Variants in ANGPT2 observed in about 807,000 individuals in gnomAD.
ANGPT2 encodes the protein angiopoietin-2.
ANGPT2 carries 28 observed loss-of-function variants against 62.9 expected under a neutral mutation model. The observed-to-expected ratio is 0.44, with a 90% CI of 0.33 to 0.61. The LOEUF (loss-of-function observed/expected upper bound fraction) is 0.61. Ranked by LOEUF, ANGPT2 falls within the 20% of genes least tolerant of loss-of-function variation. ANGPT2 has a pLI of 0.03. For missense variants in ANGPT2, 727 were observed against 594.9 expected (o/e 1.22, Z -2.31); for synonymous variants, 284 against 207.8 (o/e 1.37, Z -3.15).
chr8:6,511,996 T>A (rs1414723279), intron 7 of ANGPT2, among the ~76,000 whole-genome samples: 1 of 152,026 alleles, frequency 6.6e-6, no homozygotes, highest in Admixed American at 6.6e-5. Context: ...CAACCACTTG[T>A]GTCTCAAAAT....
intron 1 of ANGPT2, among the ~76,000 whole-genome samples, chr8:6,557,904 C>A (rs747992779): frequency 2.6e-5 from 4 of 152,082 alleles, no homozygotes; most frequent in African/African-American, 7.2e-5. Flanking sequence ...CATTTTGTGG[C>A]CAGATATGGA....
At chr8:6,554,039 C>T (rs1824153414) in intron 1 of ANGPT2, among the ~76,000 whole-genome samples, 1 of 151,104 alleles carries the variant, frequency 6.6e-6, no homozygotes, top group African/African-American at 2.4e-5. Context: ...CTGAAATTTG[C>T]CGGAACAGTC....
rs143722172 is a variant in ANGPT2, at chr8:6,540,815, G to A, written c.289-8328C>T. 6.6e-4 allele frequency among the ~76,000 whole-genome samples: 100 copies of A among 152,360 alleles called. No homozygotes were observed. In the South Asian group the frequency reaches 0.012, roughly 18 times the overall value. ...GAGCGCAGCCATGCCGAACAGGCGC[G>A]GGAGGCAGGGGCGCCGCAGGGTGGT... On this transcript the variant is annotated intron_variant, in intron 1 of 8. Coordinates refer to ENST00000629816, the MANE Select transcript of ANGPT2 (RefSeq NM_001118887.2).
intron 1 of ANGPT2, among the ~76,000 whole-genome samples, chr8:6,559,054 C>G (rs1360713466): frequency 6.6e-6 from 1 of 152,134 alleles, no homozygotes; most frequent in Non-Finnish European, 1.5e-5. Context: ...TATTTCACCA[C>G]TCAGGATGTA....
chr8:6,556,008 G>A (rs905695398), intron 1 of ANGPT2, among the ~76,000 whole-genome samples: 2 of 152,188 alleles, frequency 1.3e-5, no homozygotes, highest in Non-Finnish European at 2.9e-5. Context: ...CAAGTCTGCT[G>A]TGGGGACTTG....
intron 5 of ANGPT2, among the ~76,000 whole-genome samples, chr8:6,517,479 T>C (rs1346668905): frequency 6.6e-6 from 1 of 152,248 alleles, no homozygotes; most frequent in African/African-American, 2.4e-5. Context: ...CAAATGAATT[T>C]TTCAAAACTA....
chr8:6,538,640 C>T (rs1820943391), intron 1 of ANGPT2, among the ~76,000 whole-genome samples: 1 of 152,204 alleles, frequency 6.6e-6, no homozygotes. Context: ...TCAGGTCCCA[C>T]CATCCCCCAT....
chr8:6,559,855 A>C (rs1333356497), intron 1 of ANGPT2, among the ~76,000 whole-genome samples: 1 of 152,218 alleles, frequency 6.6e-6, no homozygotes, highest in Non-Finnish European at 1.5e-5. Flanking sequence ...TGTGCTAGCG[A>C]TCATGAGTTT....
Position 6,563,073 on chromosome 8 carries a change from C to CT in ANGPT2, c.-140dup. The CT allele has an allele frequency of 3.2e-6, 3 of 924,736 alleles. No homozygotes were observed. Among genetic ancestry groups the CT allele is most frequent in the Admixed American group, 2.9e-5 (1 of 34,720 alleles). The allele number at this position is 924,736 out of a possible 1,614,324, so 57.3% of individuals were successfully genotyped here. ...CGTCAATGAAAGTCTTCTCTTTCCT[C>CT]TTTTTCCAGTAGCAAACCTGGTTTT... On this transcript the variant is annotated 5_prime_UTR_variant, in exon 1 of 9. The change abolishes the stop of an existing upstream ORF in the 5' untranslated region. Coordinates refer to ENST00000629816, the MANE Select transcript of ANGPT2 (RefSeq NM_001118887.2).
At chr8:6,530,693 TGA>T (rs2129571433) in intron 2 of ANGPT2, among the ~76,000 whole-genome samples, 1 of 152,320 alleles carries the variant, frequency 6.6e-6, no homozygotes, top group South Asian at 2.1e-4. Context: ...ATGTTTTTCT[TGA>T]ACTGTTGTGA....
At chr8:6,506,301 T>C (rs1813717335) in intron 8 of ANGPT2, among the ~76,000 whole-genome samples, 2 of 152,148 alleles carry the variant, frequency 1.3e-5, no homozygotes, top group Non-Finnish European at 2.9e-5. Flanking sequence ...GGTTCATTCA[T>C]GGTCCAGACC....
chr8:6,527,628 G>T lies in ANGPT2; in HGVS notation c.493C>A (p.Leu165Ile). 8 of 1,613,968 alleles carry T rather than the reference G, an allele frequency of 5.0e-6. No homozygotes were observed. Among genetic ancestry groups the T allele is most frequent in the Non-Finnish European group, 6.8e-6 (8 of 1,179,926 alleles). ...RLELQLLEHSLSTNKLEKQIL... is the reference protein window; with the variant it reads ...RLELQLLEHSISTNKLEKQIL... ...TGTTTTTCCAATTTGTTTGTCGAGA[G>T]GGAGTGTTCCAAGAGCTGAAGTTCA... The change falls in exon 3 of 9, where the codon CTC becomes ATC. Residue 165 changes from leucine (L) to isoleucine (I), a missense_variant. Physicochemically the swap from Leu to Ile is conservative, Grantham distance 5. Coordinates refer to ENST00000629816, the MANE Select transcript of ANGPT2 (RefSeq NM_001118887.2).
At chr8:6,540,541 T>C (rs1230637160) in intron 1 of ANGPT2, among the ~76,000 whole-genome samples, 1 of 152,216 alleles carries the variant, frequency 6.6e-6, no homozygotes, top group Non-Finnish European at 1.5e-5. Context: ...TACCTGACAC[T>C]TGCACAGATT....
intron 1 of ANGPT2, among the ~76,000 whole-genome samples, chr8:6,552,345 G>A (rs1255341525): frequency 6.6e-6 from 1 of 152,208 alleles, no homozygotes; most frequent in South Asian, 2.1e-4. Flanking sequence ...CCCAATGACA[G>A]TACTGGAGCA....
In ANGPT2 at chr8:6,502,787, G is replaced by A. The variant is rs937776526; in HGVS notation, c.*314C>T. The A allele has an allele frequency of 2.8e-6, 1 of 353,144 alleles. No homozygotes were observed. Among genetic ancestry groups the A allele is most frequent in the African/African-American group, 2.1e-5 (1 of 48,422 alleles). The allele number at this position is 353,144 out of a possible 1,614,324, so 21.9% of individuals were successfully genotyped here. On this transcript the variant is annotated 3_prime_UTR_variant, in exon 9 of 9. Coordinates refer to ENST00000629816, the MANE Select transcript of ANGPT2 (RefSeq NM_001118887.2). ...TTTCCAGTTATTTACTGATAAACTT[G>A]CACATAACATTCTTGGTTGTGACAG...
intron 8 of ANGPT2, among the ~76,000 whole-genome samples, chr8:6,506,992 G>A (rs557475020): frequency 5.3e-5 from 8 of 151,796 alleles, no homozygotes; most frequent in South Asian, 2.1e-4. Context: ...CTGTCTCCCC[G>A]GTTCAAGAGA....
intron 1 of ANGPT2, among the ~76,000 whole-genome samples, chr8:6,553,782 G>C (rs1365187659): frequency 6.6e-6 from 1 of 151,864 alleles, no homozygotes; most frequent in Non-Finnish European, 1.5e-5. Context: ...GGGACTTCTT[G>C]AGCAGAAAAG....
At position 6,562,775 on chromosome 8, in the gene ANGPT2, G is replaced by A. The variant is rs768095333; in HGVS notation, c.160C>T (p.Arg54Cys). 21 of 1,613,736 alleles carry A rather than the reference G, an allele frequency of 1.3e-5. No homozygotes were observed. Among genetic ancestry groups the A allele is most frequent in the East Asian group, 2.2e-5 (1 of 44,876 alleles). The change falls in exon 1 of 9, where the codon CGC becomes TGC. Residue 54 changes from arginine to cysteine, a missense_variant. By Grantham distance (180) the Arg-to-Cys change is radical. Coordinates refer to ENST00000629816, the MANE Select transcript of ANGPT2 (RefSeq NM_001118887.2). ...GACACGTAGGGGCTGGAGGAAGAGC[G>A]GCAGTTGTCCATCTCTGGCAGGAGG... ...TFLLPEMDNC[R>C]SSSSPYVSNA...
chr8:6,562,625 G>C (rs1300630295), intron 1 of ANGPT2, 22 bp downstream of exon 1: 4 of 1,284,760 alleles, frequency 3.1e-6, no homozygotes, highest in East Asian at 4.1e-5. Flanking sequence ...TGTTCACAAA[G>C]ACAGATGGAT....
Sources: allele counts gnomAD v4.1 joint callset (sites outside exome capture counted in the v4.1 genomes callset), GRCh38; gene constraint gnomAD v4.1.1; transcripts MANE v1.5; gene names NCBI Gene and HGNC (gene_info 2026-07-23, HGNC 2026-07-21).